The following TOR2A variants were observed in gnomAD, a reference collection of about 807,000 sequenced individuals.
TOR2A encodes torsin family 2 member A, also known as prosalusin.
In TOR2A, 24 loss-of-function variants were observed where a neutral mutation model predicts 28.6. That is an observed-to-expected ratio of 0.84 (90% CI 0.61 to 1.18). The LOEUF is 1.18. Ranked by LOEUF, TOR2A falls within the 50% of genes most tolerant of loss-of-function variation. TOR2A has a pLI of 0.00. For missense variants in TOR2A, 426 were observed against 448.1 expected (o/e 0.95, Z 0.45); for synonymous variants, 203 against 203.1 (o/e 1.00, Z 0.00).
Position 127,731,746 on chromosome 9 carries a change from C to T in TOR2A, c.*288G>A, listed in dbSNP as rs946846660. 1.8e-4 allele frequency: 122 copies of T among 668,860 alleles called. No individual in the cohort carries two copies. Among genetic ancestry groups the T allele is most frequent in the East Asian group, 1.9e-4 (6 of 31,366 alleles). 41.4% of individuals were successfully genotyped at this position (668,860 alleles called of 1,614,324 possible). A position where few individuals can be genotyped will look rare whatever the true frequency, so the allele number is the denominator to read the frequency against. The stretch of plus-strand genomic sequence containing the variant: ...GCAGACTGAGGAGGGAGCACCGCCA[C>T]GAGCCACAGTCCCTGAGTTATAATT... On this transcript the variant is annotated 3_prime_UTR_variant, in exon 5 of 5. Coordinates refer to ENST00000373284, the MANE Select transcript of TOR2A (RefSeq NM_001085347.3).
At chr9:127,734,019 G>C (rs147446143) in intron 2 of TOR2A, 7 of 440,352 alleles carry the variant, frequency 1.6e-5, no homozygotes, top group Non-Finnish European at 2.8e-5. Flanking sequence ...GACAAACATA[G>C]GTGCTCCATA....
In TOR2A at chr9:127,733,514, C is replaced by T. The variant is rs1023339706; in HGVS notation, c.464G>A (p.Arg155His). The change falls in exon 3 of 5, where the codon CGC becomes CAC. Residue 155 changes from arginine (R) to histidine (H), a missense_variant. Arg to His is a conservative substitution (Grantham distance 29, BLOSUM62 0). Coordinates refer to ENST00000373284, the MANE Select transcript of TOR2A (RefSeq NM_001085347.3). Reference sequence around the variant, plus strand: ...CATCTCATCGAAGAGGAAGAGGGAGCGGCCACAGGCAGTGAGGTTCCCTTG... The same window carrying T: ...CATCTCATCGAAGAGGAAGAGGGAGTGGCCACAGGCAGTGAGGTTCCCTTG... ...WVQGNLTACG[R>H]SLFLFDEMDK... 5.6e-6 allele frequency: 9 copies of T among 1,613,734 alleles called. No homozygotes were observed. Among genetic ancestry groups the T allele is most frequent in the Admixed American group, 1.7e-5 (1 of 60,012 alleles).
At chr9:127,733,877 C>T (rs531471740) in intron 2 of TOR2A, 11 of 431,936 alleles carry the variant, frequency 2.5e-5, no homozygotes, top group African/African-American at 7.9e-5. Context: ...GCAGTGTTGA[C>T]GGCTGAAACT....
Position 127,735,101 on chromosome 9 carries a change from G to A in TOR2A, c.151+19C>T, listed in dbSNP as rs1588479986. On this transcript the variant is annotated intron_variant, in intron 1 of 4. Coordinates refer to ENST00000373284, the MANE Select transcript of TOR2A (RefSeq NM_001085347.3). ...CCCGCGTCCGCCCGCCCCTCGCTCC[G>A]GGCTCCCTGGCGCCTCACCCGGCAA... 1.4e-6 allele frequency: 2 copies of A among 1,450,486 alleles called. No homozygotes were observed. Among genetic ancestry groups the A allele is most frequent in the South Asian group, 1.3e-5 (1 of 75,074 alleles). The allele number at this position is 1,450,486 out of a possible 1,614,324, so 89.9% of individuals were successfully genotyped here.
rs1844458123 is a variant in TOR2A at position 127,732,108 on chromosome 9, A to T, written c.892T>A (p.Phe298Ile). ...GAGAAGAGCTGCTCGTCTTCAGGGA[A>T]GAAGGTGGTGCTGTCCAGCACAGCC... is the stretch of plus-strand genomic sequence containing the variant. ...VQAVLDSTTFFPEDEQLFSSN... is the reference protein window; with the variant it reads ...VQAVLDSTTFIPEDEQLFSSN... Residue 298 changes from phenylalanine to isoleucine, a missense_variant, in exon 5 of 5, where the codon TTC (phenylalanine) becomes ATC (isoleucine). Transcript: ENST00000373284. 2 of 1,613,694 alleles carry T rather than the reference A, an allele frequency of 1.2e-6. No homozygotes were observed. The highest frequency in any genetic ancestry group is 8.5e-7 in the Non-Finnish European group (1 of 1,180,016).
intron 3 of TOR2A, 174 bp from the exon 4 acceptor site, chr9:127,732,865 T>C: frequency 2.8e-6 from 4 of 1,427,498 alleles, no homozygotes; most frequent in Admixed American, 2.9e-5. Flanking sequence ...CCATGGCCCC[T>C]GTAATTCACC....
chr9:127,735,061 G>C, intron 1 of TOR2A, 59 bp downstream of exon 1: 2 of 1,376,388 alleles, frequency 1.5e-6, no homozygotes, highest in South Asian at 1.6e-5. Context: ...AGGGCTCCCA[G>C]CGCTCCCGCG....
In TOR2A at chr9:127,735,220, C is replaced by CAGCCCGAGGAGCG; in HGVS notation, c.38_50dup (p.Leu18AlafsTer42). Reference sequence around the variant, plus strand: ...CGGCCGCGGCCGAGACCAGCCCGAGCAGCCCGAGGAGCGAGCCCCAGGGCC... The same window carrying CAGCCCGAGGAGCG: ...CGGCCGCGGCCGAGACCAGCCCGAGCAGCCCGAGGAGCGAGCCCGAGGAGCGAGCCCCAGGGCC... On this transcript the variant is annotated frameshift_variant, in exon 1 of 5. Coordinates refer to ENST00000373284, the MANE Select transcript of TOR2A (RefSeq NM_001085347.3). LOFTEE classifies it high-confidence loss of function. 1 of 1,475,170 alleles carries CAGCCCGAGGAGCG rather than the reference C, an allele frequency of 6.8e-7. No individual in the cohort carries two copies. The allele number at this position is 1,475,170 out of a possible 1,614,324, so 91.4% of individuals were successfully genotyped here. A position where few individuals can be genotyped will look rare whatever the true frequency, so the allele number is the denominator to read the frequency against.
intron 2 of TOR2A, chr9:127,734,074 C>T: frequency 4.1e-6 from 2 of 493,216 alleles, no homozygotes; most frequent in Middle Eastern, 5.2e-4. Context: ...CACAACAACC[C>T]TGGCATGTAG....
chr9:127,733,378 G>A lies in TOR2A; in HGVS notation c.593+7C>T. 1.9e-6 allele frequency: 3 copies of A among 1,613,772 alleles called. No individual in the cohort carries two copies. The highest frequency in any genetic ancestry group is 2.5e-6 in the Non-Finnish European group (3 of 1,180,024). On this transcript the variant is annotated splice_region_variant and intron_variant, in intron 3 of 4. Coordinates refer to ENST00000373284, the MANE Select transcript of TOR2A (RefSeq NM_001085347.3). ...CCCACTGTGCCCACTGCAAAGCCGGGCCCCACCTGATGAAGATGAAGATGG... is the reference window on the plus strand; with the variant it reads ...CCCACTGTGCCCACTGCAAAGCCGGACCCCACCTGATGAAGATGAAGATGG...
chr9:127,731,601 A>G lies in TOR2A; in HGVS notation c.*433T>C. On this transcript the variant is annotated 3_prime_UTR_variant, in exon 5 of 5. Transcript: ENST00000373284. The stretch of plus-strand genomic sequence containing the variant: ...ACATCTAAAACCAGGCCCAAGTGGC[A>G]GCTTGAGTCCCTCCATTTCTGGAAA... 8.0e-7 allele frequency: 1 copy of G among 1,254,374 alleles called. No individual in the cohort carries two copies. The highest frequency in any genetic ancestry group is 1.1e-6 in the Non-Finnish European group (1 of 944,524). 77.7% of individuals were successfully genotyped at this position (1,254,374 alleles called of 1,614,324 possible).
At position 127,731,565 on chromosome 9, in the gene TOR2A, C is replaced by A; in HGVS notation, c.*469G>T. On this transcript the variant is annotated 3_prime_UTR_variant, in exon 5 of 5. Transcript: ENST00000373284. ...AGTTTATTATACTTGTTTTCTTTTA[C>A]AAAATTAAAAACATCTAAAACCAGG... The A allele has an allele frequency of 7.1e-7, 1 of 1,408,254 alleles. No individual in the cohort carries two copies. The highest frequency in any genetic ancestry group is 9.3e-7 in the Non-Finnish European group (1 of 1,078,576). The allele number at this position is 1,408,254 out of a possible 1,614,324, so 87.2% of individuals were successfully genotyped here.
chr9:127,732,444 G>C lies in TOR2A; in HGVS notation c.721+120C>G, dbSNP rs1279738260. The C allele has an allele frequency of 3.2e-5, 46 of 1,448,150 alleles. No individual in the cohort carries two copies. The East Asian group carries it at 1.1e-3, about 35-fold the overall frequency. The allele number at this position is 1,448,150 out of a possible 1,614,324, so 89.7% of individuals were successfully genotyped here. A position where few individuals can be genotyped will look rare whatever the true frequency, so the allele number is the denominator to read the frequency against. The stretch of plus-strand genomic sequence containing the variant: ...GGCTCACCCAAAGTCACAAAGCTGG[G>C]AGTGCCAAAGCCAGGCTCAGAACTG... On this transcript the variant is annotated intron_variant, in intron 4 of 4. Transcript: ENST00000373284.
At position 127,732,570 on chromosome 9, in the gene TOR2A, G is replaced by A. The variant is rs1442492395; in HGVS notation, c.715C>T (p.Pro239Ser). The A allele has an allele frequency of 6.3e-7, 1 of 1,589,304 alleles. No individual in the cohort carries two copies. The change falls in exon 4 of 5, where the codon CCG (proline) becomes TCG (serine). Residue 239 changes from proline to serine, a missense_variant. Physicochemically the swap from Pro to Ser is moderately conservative, Grantham distance 74 (BLOSUM62 -1). Transcript: ENST00000373284. Reference sequence around the variant, plus strand: ...GCTGCTGAGCCAGACTCACGGTGCGGGTTGTCCAGCACCGCGCGGGAGATG... The same window carrying A: ...GCTGCTGAGCCAGACTCACGGTGCGAGTTGTCCAGCACCGCGCGGGAGATG... ...PVISRAVLDNPHHGFSNSGIM... is the reference protein window; with the variant it reads ...PVISRAVLDNSHHGFSNSGIM...
intron 3 of TOR2A, chr9:127,733,102 T>C: frequency 6.6e-7 from 1 of 1,504,260 alleles, no homozygotes; most frequent in Non-Finnish European, 8.8e-7. Context: ...TTCCCAGGCC[T>C]GTGTCCTCCT....
chr9:127,733,803 T>G, intron 2 of TOR2A: 2 of 538,480 alleles, frequency 3.7e-6, no homozygotes, highest in South Asian at 5.1e-5. Flanking sequence ...TCAGAGCTCC[T>G]TCCACGACAC....
In TOR2A at chr9:127,734,631, C is replaced by CT. The variant is rs1252259978; in HGVS notation, c.152-68dup. 3.5e-6 allele frequency: 5 copies of CT among 1,409,860 alleles called. No homozygotes were observed. The East Asian group carries it at 1.4e-4, about 38-fold the overall frequency. The allele number at this position is 1,409,860 out of a possible 1,614,324, so 87.3% of individuals were successfully genotyped here. On this transcript the variant is annotated intron_variant, in intron 1 of 4. Coordinates refer to ENST00000373284, the MANE Select transcript of TOR2A (RefSeq NM_001085347.3). ...CAGAGGTTCAAGGAGAACATCATGT[C>CT]TGGAACCTGGTCTGGGACTCCTGTG...
rs1326813524 is a variant in TOR2A, at chr9:127,733,564, T to C, written c.418-4A>G. 1.2e-6 allele frequency: 2 copies of C among 1,603,568 alleles called. No homozygotes were observed. The highest frequency in any genetic ancestry group is 1.7e-6 in the Non-Finnish European group (2 of 1,174,818). ...GGACCCAGCTCTTCAGATCCTTCTG[T>C]AGGGGAGAGACAGGAGTTCCAGGGG... On this transcript the variant is annotated splice_region_variant and splice_polypyrimidine_tract_variant and intron_variant, in intron 2 of 4. Transcript: ENST00000373284.
rs1014847820 is a variant in TOR2A, at chr9:127,733,441, G to T, written c.537C>A (p.Gly179=). 1 of 1,613,860 alleles carries T rather than the reference G, an allele frequency of 6.2e-7. No individual in the cohort carries two copies. Among genetic ancestry groups the T allele is most frequent in the South Asian group, 1.1e-5 (1 of 91,082 alleles). ...TGGTCCCGTATACCACCCAGGAGGA[G>T]CCCAGGAAAGGCCGCAGGACTTCCA... is the stretch of plus-strand genomic sequence containing the variant. The part of the protein sequence containing the change: ...GLMEVLRPFL[G]SSWVVYGTNY... Residue 179 remains glycine (G), a synonymous_variant, in exon 3 of 5, where the codon GGC becomes GGA. Transcript: ENST00000373284.
Sources: allele counts gnomAD v4.1 joint callset, GRCh38; gene constraint gnomAD v4.1.1; transcripts MANE v1.5; gene names NCBI Gene and HGNC (gene_info 2026-07-23, HGNC 2026-07-21).